Variants in CNKSR1 observed in about 807,000 individuals in gnomAD.
The protein encoded by CNKSR1 is CNK homolog protein 1.
A neutral mutation model predicts 95.6 loss-of-function variants in CNKSR1; 88 were observed. That is an observed-to-expected ratio of 0.92 (90% CI 0.78 to 1.10). The LOEUF (loss-of-function observed/expected upper bound fraction) is 1.10. Ranked by LOEUF, CNKSR1 falls within the 50% of genes least tolerant of loss-of-function variation. The pLI is 0.00. For missense variants in CNKSR1, 836 were observed against 912.0 expected, an observed-to-expected ratio of 0.92 and a Z score of 1.07; for synonymous variants, 355 against 369.7, an observed-to-expected ratio of 0.96 and a Z score of 0.46.
chr1:26,180,644 C>T, intron 2 of CNKSR1, 34 bp downstream of exon 2: 1 of 1,614,102 alleles, frequency 6.2e-7, no homozygotes, highest in Non-Finnish European at 8.5e-7. Context: ...GCTGCAGCTT[C>T]CACCAACCTG....
In CNKSR1 at chr1:26,180,780, C is replaced by A; in HGVS notation, c.276C>A (p.Asp92Glu). Residue 92 changes from aspartate to glutamate, a missense_variant, in exon 3 of 21, where the codon GAC becomes GAA. Transcript: ENST00000361530. ...AGGGACTTCTGGGGGCAACCCATGA[C>A]TTCCAGAGCATAGTCCAAGGCTGCC... ...LTEGLLGATHDFQSIVQGCLG... is the reference protein window; with the variant it reads ...LTEGLLGATHEFQSIVQGCLG... 1 of 1,614,250 alleles carries A rather than the reference C, an allele frequency of 6.2e-7. No homozygotes were observed. Among genetic ancestry groups the A allele is most frequent in the Non-Finnish European group, 8.5e-7 (1 of 1,180,040 alleles).
Position 26,187,229 on chromosome 1 carries a change from A to G in CNKSR1, c.1370A>G (p.Gln457Arg), listed in dbSNP as rs1242254695. 1 of 1,613,720 alleles carries G rather than the reference A, an allele frequency of 6.2e-7. No individual in the cohort carries two copies. Among genetic ancestry groups the G allele is most frequent in the Non-Finnish European group, 8.5e-7 (1 of 1,179,686 alleles). Reference protein sequence around the residue: ...SNYSLESGHDQKKKYVFQLTH... With the variant: ...SNYSLESGHDRKKKYVFQLTH... ...TATAGTCTGGAAAGTGGACATGATC[A>G]GAAGAAGAAATAGTTAAGTCTTGGG... is the stretch of plus-strand genomic sequence containing the variant. Residue 457 changes from glutamine to arginine, a missense_variant, in exon 15 of 21, where the codon CAG becomes CGG. Gln to Arg is a conservative substitution (Grantham distance 43). Transcript: ENST00000361530.
chr1:26,180,397 T>C, intron 1 of CNKSR1, 56 bp from the exon 2 acceptor site: 1 of 1,605,234 alleles, frequency 6.2e-7, no homozygotes, highest in Non-Finnish European at 8.5e-7. Flanking sequence ...TGAAGAACCA[T>C]CCCAAAAGGT....
chr1:26,187,530 C>T (rs1437534724), intron 16 of CNKSR1, 48 bp downstream of exon 16: 5 of 1,593,450 alleles, frequency 3.1e-6, no homozygotes, highest in Admixed American at 1.7e-5. Context: ...TTCCCAAACT[C>T]TGTGAGCTTG....
chr1:26,187,289 G>A (rs755370930), intron 15 of CNKSR1, 48 bp downstream of exon 15: 11 of 1,593,272 alleles, frequency 6.9e-6, no homozygotes, highest in Non-Finnish European at 9.5e-6. Context: ...CAGAAAGGGA[G>A]AGGAAGGGTG....
intron 14 of CNKSR1, among the ~76,000 whole-genome samples, chr1:26,186,759 C>T (rs1050297391): frequency 1.3e-5 from 2 of 152,126 alleles, no homozygotes; most frequent in African/African-American, 4.8e-5. Context: ...CAGGTGTGAG[C>T]CACCACACCC....
In CNKSR1 at chr1:26,184,204, C is replaced by T; in HGVS notation, c.927-10C>T. ...CCGTGGGCTCATCTCATCCCCCTTG[C>T]CCTCCCCAGGGCCCCATCTGAAGAC... On this transcript the variant is annotated splice_polypyrimidine_tract_variant and intron_variant, in intron 10 of 20. Coordinates refer to ENST00000361530, the MANE Select transcript of CNKSR1 (RefSeq NM_006314.3). The T allele has an allele frequency of 6.2e-7, 1 of 1,613,018 alleles. No homozygotes were observed. The highest frequency in any genetic ancestry group is 8.5e-7 in the Non-Finnish European group (1 of 1,179,594).
intron 1 of CNKSR1, among the ~76,000 whole-genome samples, chr1:26,178,385 C>G (rs2088595685): frequency 6.6e-6 from 1 of 152,216 alleles, no homozygotes; most frequent in Non-Finnish European, 1.5e-5. Context: ...CTAGGCCAGA[C>G]TGAAGAGGTT....
intron 16 of CNKSR1, 136 bp downstream of exon 16, chr1:26,187,618 CTCTTTT>C: frequency 1.6e-6 from 1 of 614,952 alleles, no homozygotes; most frequent in East Asian, 3.2e-5. Flanking sequence ...ACTTCTCTTT[CTCTTTT>C]TTTTTTTTTT....
chr1:26,180,455 C>G lies in CNKSR1; in HGVS notation c.55C>G (p.Leu19Val), dbSNP rs1235798791. The G allele has an allele frequency of 6.8e-6, 11 of 1,613,814 alleles. No homozygotes were observed. Among genetic ancestry groups the G allele is most frequent in the Non-Finnish European group, 8.5e-6 (10 of 1,180,060 alleles). The part of the protein sequence containing the change: ...PGKVATWLRG[L>V]DDSLQDYPFE... ...GCTGAGCCTTACTCTCCCTCCAGGT[C>G]TTGACGACTCCCTGCAGGACTATCC... The change falls in exon 2 of 21, where the codon CTT becomes GTT. Residue 19 changes from leucine (L) to valine (V), a missense_variant and splice_region_variant. Transcript: ENST00000361530.
At chr1:26,183,884 A>G (rs1569879676) in intron 9 of CNKSR1, 54 bp downstream of exon 9, 1 of 426,962 alleles carries the variant, frequency 2.3e-6, no homozygotes, top group East Asian at 6.8e-5. Context: ...CTCCACAGGT[A>G]CCTGCCCCCA....
At chr1:26,186,423 C>T (rs1175034036) in intron 14 of CNKSR1, among the ~76,000 whole-genome samples, 4 of 152,230 alleles carry the variant, frequency 2.6e-5, no homozygotes, top group South Asian at 2.1e-4. Context: ...GCCTCAGCCT[C>T]CTGAGTAGCT....
chr1:26,185,552 C>T (rs2124513881), intron 14 of CNKSR1, among the ~76,000 whole-genome samples: 1 of 152,050 alleles, frequency 6.6e-6, no homozygotes, highest in South Asian at 2.1e-4. Flanking sequence ...GCCACAACGC[C>T]CAGCATATTT....
Position 26,177,599 on chromosome 1 carries a change from G to C in CNKSR1, c.52G>C (p.Gly18Arg). The stretch of plus-strand genomic sequence containing the variant: ...CGGAAAGGTGGCAACTTGGCTGAGA[G>C]GTGGGTGGGGCTGGGGTAGAGTTGG... ...TPGKVATWLR[G>R]LDDSLQDYPF... The change falls in exon 1 of 21, where the codon GGT becomes CGT. Residue 18 changes from glycine (G) to arginine (R), a missense_variant and splice_region_variant. Physicochemically the swap from Gly to Arg is moderately radical, Grantham distance 125 (BLOSUM62 -2). Coordinates refer to ENST00000361530, the MANE Select transcript of CNKSR1 (RefSeq NM_006314.3). 6.2e-7 allele frequency: 1 copy of C among 1,614,164 alleles called. No individual in the cohort carries two copies. The highest frequency in any genetic ancestry group is 8.5e-7 in the Non-Finnish European group (1 of 1,180,032).
At chr1:26,177,686 A>AC (rs1328986600) in intron 1 of CNKSR1, 87 bp downstream of exon 1, 1 of 1,514,036 alleles carries the variant, frequency 6.6e-7, no homozygotes, top group Non-Finnish European at 9.1e-7. Flanking sequence ...AAGGAAAAAA[A>AC]ATCTGCGGAC....
At position 26,183,362 on chromosome 1, in the gene CNKSR1, G is replaced by C. The variant is rs748146626; in HGVS notation, c.701G>C (p.Arg234Pro). 13 of 1,614,008 alleles carry C rather than the reference G, an allele frequency of 8.1e-6. No individual in the cohort carries two copies. The highest frequency in any genetic ancestry group is 1.1e-5 in the Non-Finnish European group (13 of 1,180,028). Residue 234 changes from arginine (R) to proline (P), a missense_variant, in exon 8 of 21, where the codon CGA becomes CCA. Physicochemically the swap from Arg to Pro is moderately radical, Grantham distance 103 (BLOSUM62 -2). Coordinates refer to ENST00000361530, the MANE Select transcript of CNKSR1 (RefSeq NM_006314.3). ...QVDTQVPTDS[R>P]LQIQPGDEVV... ...CCACGTCAGGTTCCCACTGACTCCC[G>C]ACTGCAGATCCAGCCTGGAGACGAG...
rs61762998 is a variant in CNKSR1 at position 26,188,925 on chromosome 1, G to C, written c.1844G>C (p.Arg615Pro). 1 of 1,613,682 alleles carries C rather than the reference G, an allele frequency of 6.2e-7. No homozygotes were observed. Among genetic ancestry groups the C allele is most frequent in the African/African-American group, 1.3e-5 (1 of 74,902 alleles). Residue 615 changes from arginine to proline, a missense_variant, in exon 20 of 21, where the codon CGT (arginine) becomes CCT (proline). Coordinates refer to ENST00000361530, the MANE Select transcript of CNKSR1 (RefSeq NM_006314.3). ...RDPQLNERVH[R>P]VRALQSTLKA... ...CCTCAGCTCAATGAGCGAGTGCACC[G>C]TGTGCGGGCGCTACAGAGCACACTC...
rs553004117 is a variant in CNKSR1, at chr1:26,180,154, C to A, written c.53-299C>A. The A allele has an allele frequency of 2.5e-4, 115 of 469,236 alleles. 3 individuals are homozygous for A. Among genetic ancestry groups the A allele is most frequent in the South Asian group, 1.8e-3 (80 of 43,688 alleles). The allele number at this position is 469,236 out of a possible 1,614,324, so 29.1% of individuals were successfully genotyped here. A position where few individuals can be genotyped will look rare whatever the true frequency, so the allele number is the denominator to read the frequency against. On this transcript the variant is annotated intron_variant, in intron 1 of 20. Coordinates refer to ENST00000361530, the MANE Select transcript of CNKSR1 (RefSeq NM_006314.3). ...AAAAACAAAAAAAAGACTGCTGGGCCCCAACCTCAGAGTTTCTGATTCAGC... is the reference window on the plus strand; with the variant it reads ...AAAAACAAAAAAAAGACTGCTGGGCACCAACCTCAGAGTTTCTGATTCAGC...
chr1:26,181,536 TAATA>T (rs1266974901), intron 3 of CNKSR1: 7 of 304,350 alleles, frequency 2.3e-5, no homozygotes, highest in South Asian at 6.6e-5. Context: ...TATTAATAAA[TAATA>T]AATAATAACT....
Sources: gnomAD v4.1 joint callset for allele counts (sites outside exome capture counted in the v4.1 genomes callset) on GRCh38, gnomAD v4.1.1 for gene constraint, MANE v1.5 for transcripts, NCBI Gene and HGNC (gene_info 2026-07-23, HGNC 2026-07-21) for gene names.